Variants in TLN2 observed in about 807,000 individuals in gnomAD.
TLN2 encodes talin-2.
TLN2 carries 118 observed loss-of-function variants against 294.7 expected under a neutral mutation model. The observed-to-expected ratio is 0.40, with a 90% CI of 0.34 to 0.47. The LOEUF (loss-of-function observed/expected upper bound fraction) is 0.47, where lower values mean the gene tolerates loss of function less well. Ranked by LOEUF, TLN2 falls within the 20% of genes least tolerant of loss-of-function variation. The pLI is 0.84. For missense variants in TLN2, 3,083 were observed against 3,282.2 expected, an observed-to-expected ratio of 0.94 and a Z score of 1.48; for synonymous variants, 1,431 against 1,304.5, an observed-to-expected ratio of 1.10 and a Z score of -2.09.
intron 43 of TLN2, among the ~76,000 whole-genome samples, chr15:62,777,530 C>CT (rs2063805789): frequency 7.4e-6 from 1 of 135,490 alleles, no homozygotes; most frequent in Non-Finnish European, 1.6e-5. Flanking sequence ...GCGAAACTCT[C>CT]AAAAAAAAAA....
intron 51 of TLN2, among the ~76,000 whole-genome samples, chr15:62,808,509 T>C (rs2066451571): frequency 6.6e-6 from 1 of 152,178 alleles, no homozygotes; most frequent in South Asian, 2.1e-4. Flanking sequence ...TCCAATAGTA[T>C]AAGAGTTTAA....
At chr15:62,709,844 C>G (rs988115004) in intron 21 of TLN2, among the ~76,000 whole-genome samples, 1 of 152,114 alleles carries the variant, frequency 6.6e-6, no homozygotes, top group African/African-American at 2.4e-5. Context: ...GAGAGATACT[C>G]TTGCCTCAGC....
At chr15:62,447,551 A>G (rs948261006) in intron 1 of TLN2, among the ~76,000 whole-genome samples, 7 of 150,682 alleles carry the variant, frequency 4.6e-5, no homozygotes, top group Middle Eastern at 3.4e-3. Context: ...CTGGAGTGCA[A>G]TGGCGCGATC....
intron 1 of TLN2, among the ~76,000 whole-genome samples, chr15:62,490,964 A>G (rs1420409560): frequency 6.6e-6 from 1 of 152,042 alleles, no homozygotes; most frequent in Non-Finnish European, 1.5e-5. Context: ...TCCTGATGAC[A>G]TGGGCCCTGG....
intron 1 of TLN2, among the ~76,000 whole-genome samples, chr15:62,499,302 T>C (rs1248556674): frequency 1.3e-5 from 2 of 151,990 alleles, no homozygotes; most frequent in Non-Finnish European, 2.9e-5. Context: ...ATACGAAAAT[T>C]AGCCAGGCGT....
chr15:62,648,239 G>T (rs893779729), intron 4 of TLN2, among the ~76,000 whole-genome samples: 4 of 151,900 alleles, frequency 2.6e-5, no homozygotes, highest in African/African-American at 9.7e-5. Context: ...TAGGCAACAG[G>T]TTGAAACCCT....
chr15:62,605,980 A>G (rs1368356094), intron 2 of TLN2, among the ~76,000 whole-genome samples: 1 of 152,236 alleles, frequency 6.6e-6, no homozygotes, highest in Non-Finnish European at 1.5e-5. Context: ...GTCTAGAGGT[A>G]GTAGTGTTAC....
chr15:62,415,888 A>C (rs971363873), intron 1 of TLN2, among the ~76,000 whole-genome samples: 1 of 152,212 alleles, frequency 6.6e-6, no homozygotes, highest in Non-Finnish European at 1.5e-5. Context: ...ACATCATAAA[A>C]CTTAAAGGGA....
chr15:62,694,884 C>A (rs1012790499), intron 14 of TLN2, among the ~76,000 whole-genome samples: 1 of 152,150 alleles, frequency 6.6e-6, no homozygotes, highest in East Asian at 1.9e-4. Flanking sequence ...GGACTCAAAT[C>A]TGGGGTCTCT....
intron 28 of TLN2, among the ~76,000 whole-genome samples, chr15:62,730,997 C>T (rs1226132342): frequency 6.6e-6 from 1 of 152,128 alleles, no homozygotes; most frequent in East Asian, 1.9e-4. Flanking sequence ...TTTTTCTTTT[C>T]ATGCTTTAAT....
chr15:62,733,681 A>T (rs2060851492), intron 28 of TLN2, among the ~76,000 whole-genome samples: 1 of 152,250 alleles, frequency 6.6e-6, no homozygotes, highest in Admixed American at 6.5e-5. Flanking sequence ...ATTATGTAGA[A>T]TGCTACTATA....
intron 2 of TLN2, among the ~76,000 whole-genome samples, chr15:62,609,790 C>T (rs972461962): frequency 6.6e-6 from 1 of 152,044 alleles, no homozygotes; most frequent in Admixed American, 6.6e-5. Flanking sequence ...TGTGGAGGGT[C>T]CTTTGAAACT....
intron 1 of TLN2, among the ~76,000 whole-genome samples, chr15:62,588,957 TC>T (rs1248682704): frequency 6.6e-6 from 1 of 151,908 alleles, no homozygotes; most frequent in Non-Finnish European, 1.5e-5. Flanking sequence ...TGTAGAGTTT[TC>T]TTTCCTAAAT....
chr15:62,626,022 A>G (rs2049256745), intron 3 of TLN2, among the ~76,000 whole-genome samples: 1 of 152,208 alleles, frequency 6.6e-6, no homozygotes, highest in Admixed American at 6.5e-5. Context: ...GTCAAAGGGC[A>G]AGTTTGAGAG....
chr15:62,425,259 T>TG (rs2034644830), intron 1 of TLN2, among the ~76,000 whole-genome samples: 1 of 152,132 alleles, frequency 6.6e-6, no homozygotes. Context: ...AGCCCCTATT[T>TG]GTCTTAAAAG....
In TLN2 at chr15:62,529,403, A is replaced by G. The variant is rs73429716; in HGVS notation, c.-237-60284A>G. The stretch of plus-strand genomic sequence containing the variant: ...TGCGCCCAGCCTTTTTAGGGCTTTT[A>G]TCGTCTACTGTAAAGTAACTATTGA... On this transcript the variant is annotated intron_variant, in intron 1 of 58. Coordinates refer to ENST00000636159, the MANE Select transcript of TLN2 (RefSeq NM_015059.3). Among the ~76,000 whole-genome samples, 388 of 152,192 alleles carry G rather than the reference A, an allele frequency of 2.5e-3. 1 individual carries two copies. The highest frequency in any genetic ancestry group is 8.9e-3 in the African/African-American group (370 of 41,512).
At chr15:62,711,380 A>G (rs375626923) in intron 21 of TLN2, among the ~76,000 whole-genome samples, 5 of 152,364 alleles carry the variant, frequency 3.3e-5, no homozygotes, top group East Asian at 1.9e-4. Context: ...AAGGCAAGTC[A>G]TAGCATTTGA....
chr15:62,748,560 C>T, intron 33 of TLN2, 116 bp downstream of exon 33: 4 of 819,524 alleles, frequency 4.9e-6, no homozygotes, highest in Non-Finnish European at 7.9e-6. Flanking sequence ...CTAGTTTTCT[C>T]TTCTCTGTCC....
chr15:62,559,418 C>T (rs923947626), intron 1 of TLN2, among the ~76,000 whole-genome samples: 1 of 152,180 alleles, frequency 6.6e-6, no homozygotes, highest in Non-Finnish European at 1.5e-5. Context: ...CAGCTACACC[C>T]TTCCTACTCT....
Sources: allele counts gnomAD v4.1 joint callset (sites outside exome capture counted in the v4.1 genomes callset), GRCh38; gene constraint gnomAD v4.1.1; transcripts MANE v1.5; gene names NCBI Gene and HGNC (gene_info 2026-07-23, HGNC 2026-07-21).